The following IGF2BP2 variants were observed in gnomAD, a reference collection of about 807,000 sequenced individuals.
IGF2BP2 encodes the protein insulin like growth factor 2 mRNA binding protein 2, also known as insulin-like growth factor 2 mRNA-binding protein 2.
A neutral mutation model predicts 75.8 loss-of-function variants in IGF2BP2; 17 were observed. The observed-to-expected ratio is 0.22, with a 90% CI of 0.15 to 0.34. The LOEUF is 0.34. Ranked by LOEUF, IGF2BP2 falls within the 10% of genes least tolerant of loss-of-function variation. IGF2BP2 has a pLI of 1.00. For missense variants in IGF2BP2, 516 were observed against 772.4 expected (o/e 0.67, Z 3.93); for synonymous variants, 288 against 295.6 (o/e 0.97, Z 0.26).
chr3:185,776,773 C>T (rs1297516786), intron 2 of IGF2BP2, among the ~76,000 whole-genome samples: 1 of 152,142 alleles, frequency 6.6e-6, no homozygotes, highest in Non-Finnish European at 1.5e-5. Flanking sequence ...AACATTTTCT[C>T]AGAACTACAC....
chr3:185,780,263 G>C (rs181722671), intron 2 of IGF2BP2, among the ~76,000 whole-genome samples: 2 of 152,264 alleles, frequency 1.3e-5, no homozygotes, highest in Admixed American at 1.3e-4. Flanking sequence ...TGGGAAAGGA[G>C]GAAAGGGACC....
In IGF2BP2 at chr3:185,653,463, A is replaced by C. The variant is rs1382223312; in HGVS notation, c.1387-1295T>G. ...TGGTGAAATCCCATCTCTACTAAAA[A>C]CACAAAAATCAGCCAGGAGTGGTGG... On this transcript the variant is annotated intron_variant, in intron 12 of 15. Transcript: ENST00000382199. Among the ~76,000 whole-genome samples the C allele has an allele frequency of 2.6e-5, 4 of 152,144 alleles. No individual in the cohort carries two copies. In the East Asian group the frequency reaches 7.8e-4, roughly 30 times the overall value.
Position 185,811,830 on chromosome 3 carries a change from G to GCCTCTC in IGF2BP2, c.239+11322_239+11323insGAGAGG, listed in dbSNP as rs1366130204. Among the ~76,000 whole-genome samples, 3 of 120,694 alleles carry GCCTCTC rather than the reference G, an allele frequency of 2.5e-5. No homozygotes were observed. In the Admixed American group the frequency reaches 2.7e-4, roughly 11 times the overall value. 79.2% of individuals were successfully genotyped at this position (120,694 alleles called of 152,430 possible). ...CAGGGGACGGTGCTCAGAGTAGGGT[G>GCCTCTC]TCTCTCTCTCTCTCTCTCTCTCTCT... On this transcript the variant is annotated intron_variant, in intron 2 of 15. Coordinates refer to ENST00000382199, the MANE Select transcript of IGF2BP2 (RefSeq NM_006548.6).
intron 9 of IGF2BP2, among the ~76,000 whole-genome samples, chr3:185,672,936 C>T (rs1199610118): frequency 6.6e-6 from 1 of 152,168 alleles, no homozygotes; most frequent in Non-Finnish European, 1.5e-5. Flanking sequence ...CCTTGCCAGC[C>T]TCACTCCTGC....
intron 3 of IGF2BP2, 75 bp from the exon 4 acceptor site, chr3:185,696,738 C>CAGTGATATACTGTACAGTGATATACTGT (rs1722629861): frequency 8.5e-7 from 1 of 1,173,526 alleles, no homozygotes; most frequent in Non-Finnish European, 1.3e-6. Flanking sequence ...TGATATACCC[C>CAGTGATATACTGTACAGTGATATACTGT]AGCAAACAAA....
At chr3:185,731,250 T>C (rs983442364) in intron 2 of IGF2BP2, among the ~76,000 whole-genome samples, 4 of 150,028 alleles carry the variant, frequency 2.7e-5, no homozygotes, top group African/African-American at 7.3e-5. Context: ...CACTTTCTTT[T>C]TTTTTTTTTT....
chr3:185,654,920 T>C (rs902626270), intron 12 of IGF2BP2, among the ~76,000 whole-genome samples: 1 of 152,202 alleles, frequency 6.6e-6, no homozygotes, highest in African/African-American at 2.4e-5. Flanking sequence ...CCACCTCCTC[T>C]GGGCGCTCTC....
At chr3:185,794,681 T>C (rs1419807779) in intron 2 of IGF2BP2, among the ~76,000 whole-genome samples, 1 of 151,700 alleles carries the variant, frequency 6.6e-6, no homozygotes, top group African/African-American at 2.4e-5. Flanking sequence ...TAAAATTTAC[T>C]ATTTTAACAA....
chr3:185,813,701 T>A (rs1740219218), intron 2 of IGF2BP2, among the ~76,000 whole-genome samples: 1 of 152,258 alleles, frequency 6.6e-6, no homozygotes, highest in Non-Finnish European at 1.5e-5. Context: ...GAAGCTCATG[T>A]GTCTGCTGCA....
chr3:185,792,608 T>C (rs1002942868), intron 2 of IGF2BP2, among the ~76,000 whole-genome samples: 1 of 151,234 alleles, frequency 6.6e-6, no homozygotes. Context: ...TACTAAAAAA[T>C]ACAAAAAAGT....
At chr3:185,788,468 G>A (rs368706120) in intron 2 of IGF2BP2, among the ~76,000 whole-genome samples, 6 of 151,964 alleles carry the variant, frequency 3.9e-5, no homozygotes, top group African/African-American at 1.5e-4. Flanking sequence ...CTATGATTGC[G>A]CCACTGCACT....
intron 2 of IGF2BP2, chr3:185,722,340 C>T (rs1726698367): frequency 2.3e-6 from 1 of 434,598 alleles, no homozygotes; most frequent in East Asian, 7.4e-5. Flanking sequence ...AGTAATTCAG[C>T]TTCATGGGTT....
intron 7 of IGF2BP2, among the ~76,000 whole-genome samples, chr3:185,677,070 G>T (rs12497025): frequency 0.39 from 11,807 of 30,310 alleles, 1,457 homozygotes; most frequent in East Asian, 0.49. Flanking sequence ...TATATATATA[G>T]AGAGAGAGAG....
chr3:185,764,928 C>T lies in IGF2BP2; in HGVS notation c.239+58225G>A, dbSNP rs1049872928. Among the ~76,000 whole-genome samples, 13 of 152,270 alleles carry T rather than the reference C, an allele frequency of 8.5e-5. No homozygotes were observed. The East Asian group carries it at 1.9e-3, about 23-fold the overall frequency. On this transcript the variant is annotated intron_variant, in intron 2 of 15. Coordinates refer to ENST00000382199, the MANE Select transcript of IGF2BP2 (RefSeq NM_006548.6). ...GCCAAAATCTGGAAGGACACTGGCA[C>T]GCCTCTTCTACCCCCACGAGGTGTT... is the stretch of plus-strand genomic sequence containing the variant.
intron 2 of IGF2BP2, among the ~76,000 whole-genome samples, chr3:185,703,872 A>C (rs1723648888): frequency 6.6e-6 from 1 of 152,184 alleles, no homozygotes; most frequent in African/African-American, 2.4e-5. Context: ...TATTAGCCAC[A>C]AGTCTATCAG....
intron 2 of IGF2BP2, chr3:185,814,134 C>T (rs759102867): frequency 3.3e-5 from 5 of 152,186 alleles, no homozygotes; most frequent in Non-Finnish European, 5.9e-5. Flanking sequence ...AGAAGATGTA[C>T]ACATGGTTTA....
At chr3:185,661,071 A>G (rs1374595649) in intron 10 of IGF2BP2, among the ~76,000 whole-genome samples, 1 of 152,198 alleles carries the variant, frequency 6.6e-6, no homozygotes, top group Non-Finnish European at 1.5e-5. Context: ...AAAAAGGACA[A>G]ATTCTCTTTT....
intron 13 of IGF2BP2, 136 bp from the exon 14 acceptor site, chr3:185,649,670 G>T: frequency 1.7e-6 from 2 of 1,207,674 alleles, no homozygotes; most frequent in Non-Finnish European, 2.3e-6. Context: ...ACAGGAAGCT[G>T]CGTGCCCCAG....
At chr3:185,698,972 A>G (rs1722942749) in intron 2 of IGF2BP2, among the ~76,000 whole-genome samples, 1 of 152,088 alleles carries the variant, frequency 6.6e-6, no homozygotes, top group African/African-American at 2.4e-5. Context: ...GTGCCACCAC[A>G]CTTGGCTAAT....
Sources: allele counts gnomAD v4.1 joint callset (sites outside exome capture counted in the v4.1 genomes callset), GRCh38; gene constraint gnomAD v4.1.1; transcripts MANE v1.5; gene names NCBI Gene and HGNC (gene_info 2026-07-23, HGNC 2026-07-21).